Variants in RGS6 observed in about 807,000 individuals in gnomAD.
RGS6 encodes regulator of G-protein signaling 6.
In RGS6, 30 loss-of-function variants were observed where a neutral mutation model predicts 78.5. That is an observed-to-expected ratio of 0.38 (90% CI 0.29 to 0.52). The LOEUF (loss-of-function observed/expected upper bound fraction) is 0.52, where lower values mean the gene tolerates loss of function less well. Ranked by LOEUF, RGS6 falls within the 20% of genes least tolerant of loss-of-function variation. The pLI, the probability that RGS6 is intolerant of heterozygous loss-of-function variation, is 0.85. For missense variants in RGS6, 495 were observed against 609.7 expected, an observed-to-expected ratio of 0.81 and a Z score of 1.98; for synonymous variants, 206 against 206.0, an observed-to-expected ratio of 1.00 and a Z score of 0.00.
intron 3 of RGS6, among the ~76,000 whole-genome samples, chr14:72,446,861 C>T (rs1203015286): frequency 1.3e-5 from 2 of 152,048 alleles, no homozygotes; most frequent in African/African-American, 4.8e-5. Context: ...AATCTAATGC[C>T]ACTGCTGATC....
chr14:72,621,234 A>G, the RGS6 span, among the ~76,000 whole-genome samples: 2 of 151,730 alleles, frequency 1.3e-5, no homozygotes, highest in East Asian at 3.9e-4. Flanking sequence ...CCCTTTATGG[A>G]CTATAAAGCC....
chr14:72,387,223 C>T (rs1461610566), intron 3 of RGS6, among the ~76,000 whole-genome samples: 2 of 152,036 alleles, frequency 1.3e-5, no homozygotes, highest in Admixed American at 6.5e-5. Flanking sequence ...ATTAGGCCCA[C>T]CCTAAATCCA....
At chr14:72,258,825 G>C (rs2057574395) in intron 2 of RGS6, among the ~76,000 whole-genome samples, 1 of 152,090 alleles carries the variant, frequency 6.6e-6, no homozygotes, top group South Asian at 2.1e-4. Flanking sequence ...AGTAGATGAG[G>C]GATAAAAGCG....
chr14:72,133,158 G>A (rs2096364326), intron 2 of RGS6, among the ~76,000 whole-genome samples: 1 of 152,116 alleles, frequency 6.6e-6, no homozygotes, highest in South Asian at 2.1e-4. Flanking sequence ...TCATTTTGCA[G>A]ATTCCTTTTC....
intron 2 of RGS6, among the ~76,000 whole-genome samples, chr14:72,211,580 G>A (rs1328147485): frequency 6.6e-6 from 1 of 152,134 alleles, no homozygotes; most frequent in Non-Finnish European, 1.5e-5. Context: ...AAAGCTTATT[G>A]GAAGGATTCA....
chr14:72,000,110 G>T (rs547833963), intron 2 of RGS6, among the ~76,000 whole-genome samples: 3 of 152,166 alleles, frequency 2.0e-5, no homozygotes, highest in Non-Finnish European at 4.4e-5. Flanking sequence ...GATAGTCTTC[G>T]AGCAGGGTTG....
chr14:72,532,578 G>C (rs1381895441), intron 15 of RGS6, among the ~76,000 whole-genome samples: 1 of 152,236 alleles, frequency 6.6e-6, no homozygotes, highest in Non-Finnish European at 1.5e-5. Context: ...TGAAAGCTAG[G>C]CCTCTTATGC....
At chr14:72,238,176 ATCTG>A (rs2051673046) in intron 2 of RGS6, among the ~76,000 whole-genome samples, 1 of 152,134 alleles carries the variant, frequency 6.6e-6, no homozygotes, top group Non-Finnish European at 1.5e-5. Flanking sequence ...GTTAAGCCGC[ATCTG>A]TTTATAGTTT....
the RGS6 span, among the ~76,000 whole-genome samples, chr14:71,911,834 G>T: frequency 6.6e-6 from 1 of 152,344 alleles, no homozygotes; most frequent in South Asian, 2.1e-4. Flanking sequence ...GAAGAGAAGG[G>T]TGAGACAGGA....
chr14:72,121,008 A>G (rs141293278), intron 2 of RGS6, among the ~76,000 whole-genome samples: 5 of 152,316 alleles, frequency 3.3e-5, no homozygotes, highest in African/African-American at 9.6e-5. Flanking sequence ...CTCAGTTCCC[A>G]TAGCTAGGCA....
chr14:72,425,504 C>T (rs555679176), intron 3 of RGS6, among the ~76,000 whole-genome samples: 91 of 152,268 alleles, frequency 6.0e-4, no homozygotes, highest in Non-Finnish European at 9.0e-4. Context: ...TTAACGAATT[C>T]CTGTTAATCA....
In RGS6 at chr14:72,005,260, GT is replaced by G. The variant is rs201442428; in HGVS notation, c.84+40390del. Among the ~76,000 whole-genome samples, 975 of 152,110 alleles carry G rather than the reference GT, an allele frequency of 6.4e-3. 12 individuals carry two copies. Among genetic ancestry groups the G allele is most frequent in the African/African-American group, 0.022 (928 of 41,514 alleles). ...ATATCAGATGTTAATGGTAAACAGT[GT>G]TTTTCCCCCTGAGTATAAGAATTAT... On this transcript the variant is annotated intron_variant, in intron 2 of 17. Transcript: ENST00000553525.
At chr14:72,148,065 A>G (rs911296885) in intron 2 of RGS6, among the ~76,000 whole-genome samples, 10 of 149,548 alleles carry the variant, frequency 6.7e-5, no homozygotes, top group African/African-American at 2.2e-4. Flanking sequence ...TGGGAGGCAG[A>G]GCTTGCAGTG....
At chr14:72,010,732 A>G (rs2085497643) in intron 2 of RGS6, among the ~76,000 whole-genome samples, 1 of 152,230 alleles carries the variant, frequency 6.6e-6, no homozygotes, top group Non-Finnish European at 1.5e-5. Flanking sequence ...CTAATTTTCC[A>G]AACAGGGCAG....
At chr14:72,181,015 CCTT>C (rs1311377934) in intron 2 of RGS6, among the ~76,000 whole-genome samples, 2 of 152,252 alleles carry the variant, frequency 1.3e-5, no homozygotes, top group East Asian at 3.9e-4. Flanking sequence ...ATAACTCTCT[CCTT>C]CTATTTGTAT....
rs570122988 is a variant in RGS6, at chr14:72,061,323, G to A, written c.84+96448G>A. Reference sequence around the variant, plus strand: ...TGGGATTTTGTTGAGATAAGGGTCCGTGATTTGGCATACTCAGTGTAACCT... The same window carrying A: ...TGGGATTTTGTTGAGATAAGGGTCCATGATTTGGCATACTCAGTGTAACCT... On this transcript the variant is annotated intron_variant, in intron 2 of 17. Transcript: ENST00000553525. Among the ~76,000 whole-genome samples, 13 of 152,272 alleles carry A rather than the reference G, an allele frequency of 8.5e-5. No individual in the cohort carries two copies. In the South Asian group the frequency reaches 1.0e-3, roughly 12 times the overall value.
At chr14:72,153,336 G>T (rs559496161) in intron 2 of RGS6, among the ~76,000 whole-genome samples, 1 of 152,334 alleles carries the variant, frequency 6.6e-6, no homozygotes, top group Admixed American at 6.5e-5. Flanking sequence ...ACATTGGGAA[G>T]AAGGTAGACT....
At chr14:72,071,373 T>C (rs1339833111) in intron 2 of RGS6, among the ~76,000 whole-genome samples, 1 of 152,252 alleles carries the variant, frequency 6.6e-6, no homozygotes, top group Non-Finnish European at 1.5e-5. Context: ...CTCGTACATG[T>C]CTTCTGGTGC....
At chr14:72,057,455 C>G (rs1225596706) in intron 2 of RGS6, among the ~76,000 whole-genome samples, 1 of 151,386 alleles carries the variant, frequency 6.6e-6, no homozygotes, top group Non-Finnish European at 1.5e-5. Context: ...TGGTTACACT[C>G]TTACTCTTCC....
Sources: gnomAD v4.1 joint callset for allele counts (sites outside exome capture counted in the v4.1 genomes callset) on GRCh38, gnomAD v4.1.1 for gene constraint, MANE v1.5 for transcripts, NCBI Gene and HGNC (gene_info 2026-07-23, HGNC 2026-07-21) for gene names.